Variants in GRM7 observed in about 807,000 individuals in gnomAD.
GRM7 encodes metabotropic glutamate receptor 7.
A neutral mutation model predicts 84.5 loss-of-function variants in GRM7; 35 were observed. The ratio of observed to expected loss-of-function variants is 0.41; its 90% CI spans 0.32 to 0.55. GRM7 has a LOEUF of 0.55. Among genes scored for constraint, GRM7 ranks in the 20% least tolerant of loss-of-function variants. GRM7 has a pLI of 0.19. For synonymous variants in GRM7, 487 were observed against 455.1 expected, an observed-to-expected ratio of 1.07 and a Z score of -0.89; for missense variants, 1,003 against 1,194.6, an observed-to-expected ratio of 0.84 and a Z score of 2.36.
chr3:7,134,333 T>C (rs57263180), intron 1 of GRM7, among the ~76,000 whole-genome samples: 2,174 of 152,226 alleles, frequency 0.014, 45 homozygotes, highest in African/African-American at 0.05. Flanking sequence ...TTCTAAGTGA[T>C]AGTCTATCTC....
intron 1 of GRM7, among the ~76,000 whole-genome samples, chr3:6,889,192 C>G (rs1695830609): frequency 6.6e-6 from 1 of 152,086 alleles, no homozygotes; most frequent in African/African-American, 2.4e-5. Flanking sequence ...GACAATTTGA[C>G]TTCCTCTTTT....
intron 7 of GRM7, among the ~76,000 whole-genome samples, chr3:7,573,199 CT>C (rs573765765): frequency 4.0e-5 from 6 of 151,218 alleles, no homozygotes; most frequent in South Asian, 2.1e-4. Flanking sequence ...CCTAAAAAGC[CT>C]TTTTTTTCTA....
At chr3:7,039,664 T>C (rs1272419360) in intron 1 of GRM7, among the ~76,000 whole-genome samples, 1 of 151,916 alleles carries the variant, frequency 6.6e-6, no homozygotes, top group Non-Finnish European at 1.5e-5. Flanking sequence ...AAAGCTAAAA[T>C]GCAGTTCAGG....
At chr3:7,731,829 T>C (rs570959285) in intron 9 of GRM7, among the ~76,000 whole-genome samples, 6 of 152,232 alleles carry the variant, frequency 3.9e-5, no homozygotes, top group Non-Finnish European at 7.4e-5. Context: ...GCCCCCACTC[T>C]TGTGGCCCCA....
At chr3:7,594,951 T>C (rs993416585) in intron 8 of GRM7, among the ~76,000 whole-genome samples, 1 of 152,164 alleles carries the variant, frequency 6.6e-6, no homozygotes. Context: ...TGTGTGTGTG[T>C]GTGTGTGTGT....
At chr3:7,252,855 A>AT (rs1425269932) in intron 2 of GRM7, among the ~76,000 whole-genome samples, 1 of 149,814 alleles carries the variant, frequency 6.7e-6, no homozygotes, top group African/African-American at 2.5e-5. Context: ...CACCCAGCTA[A>AT]TTTTTTTTGT....
intron 4 of GRM7, among the ~76,000 whole-genome samples, chr3:7,414,361 A>G (rs1696069333): frequency 6.6e-6 from 1 of 152,146 alleles, no homozygotes; most frequent in African/African-American, 2.4e-5. Context: ...GTACCTGCTC[A>G]TGGTTCCATG....
At chr3:7,546,049 T>A (rs1023239025) in intron 7 of GRM7, among the ~76,000 whole-genome samples, 1 of 152,160 alleles carries the variant, frequency 6.6e-6, no homozygotes, top group Non-Finnish European at 1.5e-5. Flanking sequence ...TACTAATTAG[T>A]TATTATTATC....
chr3:7,734,860 GATC>G (rs1404485446), intron 9 of GRM7, among the ~76,000 whole-genome samples: 4 of 152,140 alleles, frequency 2.6e-5, no homozygotes, highest in Non-Finnish European at 1.5e-5. Flanking sequence ...ATTTAAGAGA[GATC>G]ATTATAAAAT....
chr3:7,189,312 C>G (rs1695628862), intron 2 of GRM7, among the ~76,000 whole-genome samples: 2 of 152,048 alleles, frequency 1.3e-5, no homozygotes, highest in Admixed American at 6.6e-5. Context: ...GGACTGAGAA[C>G]CTGGGTACAA....
intron 9 of GRM7, among the ~76,000 whole-genome samples, chr3:7,740,152 G>A (rs146601790): frequency 4.6e-5 from 7 of 152,264 alleles, no homozygotes; most frequent in East Asian, 3.9e-4. Flanking sequence ...AGAAGAGAAC[G>A]CAATTGATTT....
chr3:7,387,803 G>GT (rs368885756), intron 4 of GRM7, among the ~76,000 whole-genome samples: 1 of 152,090 alleles, frequency 6.6e-6, no homozygotes, highest in East Asian at 1.9e-4. Flanking sequence ...TTTTAGGATA[G>GT]TTTTTTTCCT....
chr3:6,888,009 T>A (rs1483862650), intron 1 of GRM7, among the ~76,000 whole-genome samples: 1 of 152,312 alleles, frequency 6.6e-6, no homozygotes, highest in East Asian at 1.9e-4. Context: ...TCATGTGTTT[T>A]TTGGCTGCAT....
rs1445730566 is a variant in GRM7 at position 7,211,226 on chromosome 3, A to G, written c.736+64558A>G. ...TCTTGTAAATGCCAAATGCAAAAAG[A>G]TGAATTCTGCATAAACTCTAATAGA... is the stretch of plus-strand genomic sequence containing the variant. On this transcript the variant is annotated intron_variant, in intron 2 of 9. Transcript: ENST00000357716. 2.6e-5 allele frequency among the ~76,000 whole-genome samples: 4 copies of G among 152,362 alleles called. No homozygotes were observed. In the South Asian group the frequency reaches 6.2e-4, roughly 24 times the overall value.
intron 7 of GRM7, among the ~76,000 whole-genome samples, chr3:7,517,931 A>C (rs1039640959): frequency 6.6e-6 from 1 of 152,190 alleles, no homozygotes; most frequent in Admixed American, 6.5e-5. Flanking sequence ...GGACCTTTAC[A>C]TCTAATTGGT....
intron 8 of GRM7, among the ~76,000 whole-genome samples, chr3:7,648,979 G>T (rs920223509): frequency 1.3e-5 from 2 of 152,096 alleles, no homozygotes. Context: ...AGCACTCATT[G>T]TTTCCCCCCA....
chr3:7,183,693 GTC>G (rs1429071667), intron 2 of GRM7, among the ~76,000 whole-genome samples: 1 of 152,052 alleles, frequency 6.6e-6, no homozygotes, highest in Non-Finnish European at 1.5e-5. Flanking sequence ...CTTTTCATGA[GTC>G]TGGCATAAAG....
At chr3:7,657,370 T>G (rs1023881145) in intron 8 of GRM7, among the ~76,000 whole-genome samples, 1 of 152,226 alleles carries the variant, frequency 6.6e-6, no homozygotes, top group Non-Finnish European at 1.5e-5. Flanking sequence ...ATACAAACCC[T>G]GATATGAACA....
Position 7,262,750 on chromosome 3 carries a change from T to C in GRM7, c.737-35934T>C, listed in dbSNP as rs149322864. 3.5e-3 allele frequency among the ~76,000 whole-genome samples: 530 copies of C among 152,220 alleles called. 3 individuals carry two copies. Among genetic ancestry groups the C allele is most frequent in the African/African-American group, 0.012 (512 of 41,526 alleles). ...CTCGCTTTGTCACACCAGGCTGGAG[T>C]GCAGTGGCACAGTCTTGGCTCACTG... is the stretch of plus-strand genomic sequence containing the variant. On this transcript the variant is annotated intron_variant, in intron 2 of 9. Coordinates refer to ENST00000357716, the MANE Select transcript of GRM7 (RefSeq NM_000844.4).
Sources: gnomAD v4.1 joint callset for allele counts (sites outside exome capture counted in the v4.1 genomes callset) on GRCh38, gnomAD v4.1.1 for gene constraint, MANE v1.5 for transcripts, NCBI Gene and HGNC (gene_info 2026-07-23, HGNC 2026-07-21) for gene names.